FHIT: variants seen among roughly 807,000 people sequenced by gnomAD.
FHIT encodes the protein fragile histidine triad diadenosine triphosphatase.
Under a neutral mutation model 17.9 loss-of-function variants are expected in FHIT, and 19 were observed. That is an observed-to-expected ratio of 1.06 (90% CI 0.74 to 1.56). FHIT has a LOEUF of 1.56. Among genes scored for constraint, FHIT ranks in the 40% most tolerant of loss-of-function variants. The pLI, the probability that FHIT is intolerant of heterozygous loss-of-function variation, is 0.00. For missense variants in FHIT, 248 were observed against 189.2 expected (o/e 1.31, Z -1.82); for synonymous variants, 81 against 69.7 (o/e 1.16, Z -0.81).
chr3:61,089,651 T>TG (rs1168098082), intron 2 of FHIT, among the ~76,000 whole-genome samples: 1 of 152,160 alleles, frequency 6.6e-6, no homozygotes, highest in African/African-American at 2.4e-5. Flanking sequence ...ACAGAAGACT[T>TG]GAACTCTGGG....
At chr3:59,784,819 T>C (rs1702762984) in intron 8 of FHIT, among the ~76,000 whole-genome samples, 1 of 152,186 alleles carries the variant, frequency 6.6e-6, no homozygotes, top group Non-Finnish European at 1.5e-5. Context: ...ATTTTATTTT[T>C]GATTGTACTT....
intron 3 of FHIT, among the ~76,000 whole-genome samples, chr3:60,868,382 A>T (rs187928378): frequency 6.6e-6 from 1 of 152,232 alleles, no homozygotes; most frequent in Admixed American, 6.6e-5. Flanking sequence ...TCTCTCTACC[A>T]AGAAAGTGTT....
intron 4 of FHIT, among the ~76,000 whole-genome samples, chr3:60,581,943 G>A (rs1232046880): frequency 2.6e-5 from 4 of 152,000 alleles, no homozygotes; most frequent in African/African-American, 9.7e-5. Context: ...AGGTGACAGT[G>A]GATGCTGCAC....
At chr3:60,002,706 C>T (rs905621302) in intron 7 of FHIT, among the ~76,000 whole-genome samples, 4 of 152,134 alleles carry the variant, frequency 2.6e-5, no homozygotes, top group South Asian at 2.1e-4. Context: ...CCTGGCTCAG[C>T]CATGAAATCT....
chr3:61,242,199 T>A (rs1283554907), intron 1 of FHIT, among the ~76,000 whole-genome samples: 1 of 152,066 alleles, frequency 6.6e-6, no homozygotes, highest in African/African-American at 2.4e-5. Context: ...TGAAAGGGGA[T>A]CAGAATATGC....
chr3:61,125,456 C>T (rs751576955), intron 2 of FHIT, among the ~76,000 whole-genome samples: 3 of 152,086 alleles, frequency 2.0e-5, no homozygotes, highest in Admixed American at 6.6e-5. Context: ...TTATAAATAC[C>T]TAATTGTTCT....
chr3:60,838,419 T>A (rs1702608546), intron 3 of FHIT, among the ~76,000 whole-genome samples: 1 of 151,694 alleles, frequency 6.6e-6, no homozygotes, highest in Non-Finnish European at 1.5e-5. Flanking sequence ...TTGCAGTGAG[T>A]CGAGATCGCG....
chr3:61,096,639 G>A (rs1333965201), intron 2 of FHIT, among the ~76,000 whole-genome samples: 1 of 152,166 alleles, frequency 6.6e-6, no homozygotes, highest in Admixed American at 6.5e-5. Flanking sequence ...TTACTCTCTA[G>A]GGTGTTGAGC....
At chr3:60,924,827 T>C (rs1313581014) in intron 3 of FHIT, among the ~76,000 whole-genome samples, 2 of 151,778 alleles carry the variant, frequency 1.3e-5, no homozygotes, top group East Asian at 1.9e-4. Flanking sequence ...ATTAGACGAA[T>C]GGCTAACTAG....
intron 2 of FHIT, among the ~76,000 whole-genome samples, chr3:61,096,896 A>G (rs974308050): frequency 1.3e-5 from 2 of 152,076 alleles, no homozygotes; most frequent in Non-Finnish European, 2.9e-5. Flanking sequence ...GCAACACCTG[A>G]GGTCAGGAGT....
intron 7 of FHIT, among the ~76,000 whole-genome samples, chr3:59,975,238 C>T (rs2107404622): frequency 6.6e-6 from 1 of 152,194 alleles, no homozygotes; most frequent in East Asian, 1.9e-4. Context: ...AAGAAGGCAA[C>T]ATAAATGAAT....
intron 5 of FHIT, among the ~76,000 whole-genome samples, chr3:60,055,383 T>C (rs1702039798): frequency 6.6e-6 from 1 of 151,534 alleles, no homozygotes; most frequent in African/African-American, 2.4e-5. Flanking sequence ...AGCACTCTAC[T>C]ATGAAAGACT....
chr3:60,310,252 T>C (rs1289107050), intron 5 of FHIT, among the ~76,000 whole-genome samples: 2 of 152,166 alleles, frequency 1.3e-5, no homozygotes, highest in Admixed American at 6.5e-5. Flanking sequence ...AAACATCTGT[T>C]GACATCTGCC....
chr3:60,537,667 G>A (rs533380005), intron 4 of FHIT, among the ~76,000 whole-genome samples: 94 of 152,236 alleles, frequency 6.2e-4, no homozygotes, highest in African/African-American at 2.2e-3. Flanking sequence ...ATGGGGGGCC[G>A]GGGGCAGGAA....
At chr3:60,340,406 T>C (rs1710457835) in intron 5 of FHIT, among the ~76,000 whole-genome samples, 1 of 152,198 alleles carries the variant, frequency 6.6e-6, no homozygotes, top group African/African-American at 2.4e-5. Context: ...ATCACTGTTC[T>C]TGGGAGCCCA....
intron 7 of FHIT, among the ~76,000 whole-genome samples, chr3:59,929,161 C>G (rs1705829182): frequency 6.6e-6 from 1 of 151,840 alleles, no homozygotes; most frequent in African/African-American, 2.4e-5. Flanking sequence ...TACCATATGA[C>G]CCATGCACTG....
chr3:60,053,676 C>T (rs942212579), intron 5 of FHIT, among the ~76,000 whole-genome samples: 4 of 151,904 alleles, frequency 2.6e-5, no homozygotes, highest in African/African-American at 9.7e-5. Flanking sequence ...AGACATCCCC[C>T]ACCCCCGCTT....
chr3:61,052,894 T>C (rs2034079058), intron 2 of FHIT, among the ~76,000 whole-genome samples: 1 of 152,208 alleles, frequency 6.6e-6, no homozygotes, highest in Admixed American at 6.5e-5. Context: ...TCTTCTTTCC[T>C]ATAAAGATTC....
intron 4 of FHIT, among the ~76,000 whole-genome samples, chr3:60,560,657 G>T (rs921310989): frequency 2.6e-5 from 4 of 152,052 alleles, no homozygotes; most frequent in African/African-American, 9.7e-5. Flanking sequence ...GCCATATGGA[G>T]ACTGATGGGC....
Sources: allele counts gnomAD v4.1 joint callset (sites outside exome capture counted in the v4.1 genomes callset), GRCh38; gene constraint gnomAD v4.1.1; transcripts MANE v1.5; gene names NCBI Gene and HGNC (gene_info 2026-07-23, HGNC 2026-07-21).